The following CADM2 variants were observed in gnomAD, a reference collection of about 807,000 sequenced individuals.
CADM2 encodes the protein immunoglobulin superfamily member 4D.
Under a neutral mutation model 49.8 loss-of-function variants are expected in CADM2, and 12 were observed. The ratio of observed to expected loss-of-function variants is 0.24; its 90% confidence interval spans 0.15 to 0.39. The LOEUF is 0.39. Ranked by LOEUF, CADM2 falls within the 10% of genes least tolerant of loss-of-function variation. The pLI, the probability that CADM2 is intolerant of heterozygous loss-of-function variation, is 1.00. For synonymous variants in CADM2, 214 were observed against 175.4 expected (o/e 1.22, Z -1.74); for missense variants, 378 against 492.3 (o/e 0.77, Z 2.20).
chr3:85,045,093 C>T (rs1028264832), intron 1 of CADM2, among the ~76,000 whole-genome samples: 3 of 152,268 alleles, frequency 2.0e-5, no homozygotes, highest in Non-Finnish European at 4.4e-5. Flanking sequence ...CTTTATCACA[C>T]ATGTGATGTT....
At chr3:85,317,936 T>G (rs2107085694) in intron 1 of CADM2, among the ~76,000 whole-genome samples, 1 of 152,232 alleles carries the variant, frequency 6.6e-6, no homozygotes, top group Admixed American at 6.5e-5. Context: ...AAAAACATCA[T>G]ATTGAAAGGA....
At chr3:85,979,949 G>T (rs1394606239) in intron 8 of CADM2, among the ~76,000 whole-genome samples, 2 of 151,508 alleles carry the variant, frequency 1.3e-5, no homozygotes, top group African/African-American at 4.8e-5. Flanking sequence ...ACCTTAAAAA[G>T]GTGGGAATAT....
Position 86,068,687 on chromosome 3 carries a change from G to C in CADM2, c.*1904G>C, listed in dbSNP as rs1018843371. The stretch of plus-strand genomic sequence containing the variant: ...TTTATCTTGTTGATTTCTTACAAAA[G>C]AAAAAGGACGATGTCAGTCAAGCAG... On this transcript the variant is annotated 3_prime_UTR_variant, in exon 10 of 10. Transcript: ENST00000383699. 6.6e-6 allele frequency: 1 copy of C among 152,142 alleles called. No homozygotes were observed. Among genetic ancestry groups the C allele is most frequent in the African/African-American group, 2.4e-5 (1 of 41,356 alleles). 9.4% of individuals were successfully genotyped at this position (152,142 alleles called of 1,614,324 possible).
At chr3:84,990,071 G>A (rs2032795055) in intron 1 of CADM2, among the ~76,000 whole-genome samples, 1 of 151,572 alleles carries the variant, frequency 6.6e-6, no homozygotes, top group Non-Finnish European at 1.5e-5. Context: ...CTACTAAAGA[G>A]GCATTTAATA....
At chr3:85,026,779 G>A (rs1452685267) in intron 1 of CADM2, among the ~76,000 whole-genome samples, 1 of 152,042 alleles carries the variant, frequency 6.6e-6, no homozygotes, top group African/African-American at 2.4e-5. Context: ...TTTAGAAAGC[G>A]TTGTTTCTTA....
intron 1 of CADM2, among the ~76,000 whole-genome samples, chr3:85,492,318 G>A (rs893636728): frequency 3.3e-5 from 5 of 152,096 alleles, no homozygotes; most frequent in African/African-American, 1.2e-4. Flanking sequence ...GAAGCCAGGC[G>A]TGGTGGCTCA....
intron 1 of CADM2, among the ~76,000 whole-genome samples, chr3:85,018,381 T>G (rs892924251): frequency 3.9e-5 from 6 of 152,160 alleles, no homozygotes; most frequent in African/African-American, 1.4e-4. Flanking sequence ...TATTATTTAT[T>G]TATTTATCTA....
chr3:85,277,892 C>A (rs1005371175), intron 1 of CADM2, among the ~76,000 whole-genome samples: 5 of 151,302 alleles, frequency 3.3e-5, no homozygotes, highest in African/African-American at 9.7e-5. Context: ...ACTTTGTTCC[C>A]TTTCTCTGAA....
At chr3:85,381,364 G>T (rs1013029570) in intron 1 of CADM2, among the ~76,000 whole-genome samples, 8 of 150,366 alleles carry the variant, frequency 5.3e-5, no homozygotes, top group Non-Finnish European at 1.2e-4. Flanking sequence ...CTGATCCCTT[G>T]AGAGTTGATA....
At chr3:85,256,575 T>C (rs1056923192) in intron 1 of CADM2, among the ~76,000 whole-genome samples, 1 of 152,108 alleles carries the variant, frequency 6.6e-6, no homozygotes, top group Non-Finnish European at 1.5e-5. Flanking sequence ...TACCCCCAAA[T>C]AAATTGTGAA....
At chr3:85,648,330 C>T (rs2064950298) in intron 1 of CADM2, among the ~76,000 whole-genome samples, 1 of 151,836 alleles carries the variant, frequency 6.6e-6, no homozygotes, top group African/African-American at 2.4e-5. Flanking sequence ...TAATTGTCCT[C>T]TTGTCTTTGA....
intron 8 of CADM2, among the ~76,000 whole-genome samples, chr3:85,987,988 C>T (rs1430819644): frequency 6.6e-6 from 1 of 152,090 alleles, no homozygotes; most frequent in Admixed American, 6.6e-5. Flanking sequence ...ACATGAAACA[C>T]AGTTAATAAC....
chr3:85,019,994 T>C (rs2034425392), intron 1 of CADM2, among the ~76,000 whole-genome samples: 1 of 152,190 alleles, frequency 6.6e-6, no homozygotes, highest in Admixed American at 6.5e-5. Flanking sequence ...AATACAAAGA[T>C]ATATGTTTTA....
intron 8 of CADM2, among the ~76,000 whole-genome samples, chr3:86,031,365 G>C (rs1005088393): frequency 6.6e-6 from 1 of 151,728 alleles, no homozygotes. Flanking sequence ...TGAACCATCT[G>C]AGCCTGAATG....
Position 85,352,043 on chromosome 3 carries a change from C to T in CADM2, c.62-374479C>T, listed in dbSNP as rs189296915. ...ATATTGCTGTTGACTTTGAGTATTT[C>T]CTTAAATACTTTTACACTTAAAGCA... On this transcript the variant is annotated intron_variant, in intron 1 of 9. Transcript: ENST00000383699. Among the ~76,000 whole-genome samples the T allele has an allele frequency of 2.7e-3, 403 of 152,056 alleles. 1 individual carries two copies. The highest frequency in any genetic ancestry group is 4.3e-3 in the Non-Finnish European group (293 of 67,956).
intron 1 of CADM2, among the ~76,000 whole-genome samples, chr3:85,698,684 T>G (rs2325026): frequency 0.36 from 55,325 of 151,908 alleles, 10,571 homozygotes; most frequent in Non-Finnish European, 0.41. Flanking sequence ...TGCTAAACCA[T>G]TAGAAACTGC....
At chr3:85,457,580 A>C (rs900853808) in intron 1 of CADM2, among the ~76,000 whole-genome samples, 12 of 152,162 alleles carry the variant, frequency 7.9e-5, no homozygotes, top group African/African-American at 2.9e-4. Context: ...AAGGGCATCT[A>C]GTGATTATGA....
At chr3:85,934,996 G>A (rs1721032190) in intron 6 of CADM2, among the ~76,000 whole-genome samples, 1 of 151,872 alleles carries the variant, frequency 6.6e-6, no homozygotes, top group Non-Finnish European at 1.5e-5. Context: ...TCTCTTTTTT[G>A]AGCTTATTTT....
intron 8 of CADM2, among the ~76,000 whole-genome samples, chr3:85,995,562 G>A (rs1024683628): frequency 2.1e-4 from 32 of 151,972 alleles, no homozygotes; most frequent in African/African-American, 9.7e-5. Context: ...TTTCTGCATC[G>A]TATTCTAAGT....
Sources: gnomAD v4.1 joint callset for allele counts (sites outside exome capture counted in the v4.1 genomes callset) on GRCh38, gnomAD v4.1.1 for gene constraint, MANE v1.5 for transcripts, NCBI Gene and HGNC (gene_info 2026-07-23, HGNC 2026-07-21) for gene names.